Variants in MAP4 observed in about 807,000 individuals in gnomAD.
MAP4 encodes microtubule associated protein 4, also known as microtubule-associated protein 4.
A neutral mutation model predicts 170.2 loss-of-function variants in MAP4; 76 were observed. The ratio of observed to expected loss-of-function variants is 0.45; its 90% confidence interval spans 0.37 to 0.54. The LOEUF (loss-of-function observed/expected upper bound fraction) is 0.54. MAP4 is among the 20% of genes least tolerant of loss of function. The pLI is 0.00. For missense variants in MAP4, 2,506 were observed against 2,748.0 expected (o/e 0.91, Z 1.97); for synonymous variants, 909 against 994.5 (o/e 0.91, Z 1.62).
At chr3:47,883,554 G>T (rs891898296) in intron 10 of MAP4, among the ~76,000 whole-genome samples, 1 of 152,076 alleles carries the variant, frequency 6.6e-6, no homozygotes, top group African/African-American at 2.4e-5. Flanking sequence ...TTCCATTGTT[G>T]TTCTTTTATT....
In MAP4 at chr3:47,975,792, C is replaced by CTT. The variant is rs146740524; in HGVS notation, c.292+2071_292+2072dup. Among the ~76,000 whole-genome samples, 564 of 143,032 alleles carry CTT rather than the reference C, an allele frequency of 3.9e-3. 6 individuals are homozygous for CTT. Among genetic ancestry groups the CTT allele is most frequent in the African/African-American group, 0.014 (537 of 39,244 alleles). 93.8% of individuals were successfully genotyped at this position (143,032 alleles called of 152,430 possible). ...AACATGCATATTTTCAGTAAAGTATCTTTTTTTTTTTTTTTGAGACGGAGT... is the reference window on the plus strand; with the variant it reads ...AACATGCATATTTTCAGTAAAGTATCTTTTTTTTTTTTTTTTTGAGACGGAGT... On this transcript the variant is annotated intron_variant, in intron 3 of 20. Transcript: ENST00000683076.
chr3:48,068,400 T>G (rs2100139352), intron 1 of MAP4, among the ~76,000 whole-genome samples: 1 of 152,178 alleles, frequency 6.6e-6, no homozygotes. Flanking sequence ...GGCATTTATT[T>G]TATTTATTTA....
rs1423113585 is a variant in MAP4, at chr3:47,909,041, C to T, written c.5380G>A (p.Ala1794Thr). The change falls in exon 9 of 21, where the codon GCT becomes ACT. Residue 1794 changes from alanine (A) to threonine (T), a missense_variant. Physicochemically the swap from Ala to Thr is moderately conservative, Grantham distance 58 (BLOSUM62 0). Transcript: ENST00000683076. Reference sequence around the variant, plus strand: ...TTTCCCCATGGCAGGTTCATACCAGCGGACTTCAGTTGCTTATGTCTCTCT... The same window carrying T: ...TTTCCCCATGGCAGGTTCATACCAGTGGACTTCAGTTGCTTATGTCTCTCT... Reference protein sequence around the residue: ...EQERHKQLKSAVCLSSSTVYQ... With the variant: ...EQERHKQLKSTVCLSSSTVYQ... 1.4e-5 allele frequency: 22 copies of T among 1,611,738 alleles called. No homozygotes were observed. Among genetic ancestry groups the T allele is most frequent in the Middle Eastern group, 1.6e-4 (1 of 6,070 alleles).
intron 1 of MAP4, among the ~76,000 whole-genome samples, chr3:48,038,606 G>A (rs1200744776): frequency 3.3e-5 from 5 of 151,938 alleles, no homozygotes; most frequent in Non-Finnish European, 5.9e-5. Flanking sequence ...GACTACAGGC[G>A]CCTGCCACCA....
intron 1 of MAP4, among the ~76,000 whole-genome samples, chr3:48,034,128 A>G (rs2100117562): frequency 6.6e-6 from 1 of 152,158 alleles, no homozygotes; most frequent in Non-Finnish European, 1.5e-5. Flanking sequence ...TCTATTTCAC[A>G]GAAAACTCAC....
chr3:48,086,019 T>G (rs1241861136), intron 1 of MAP4, among the ~76,000 whole-genome samples: 1 of 151,960 alleles, frequency 6.6e-6, no homozygotes, highest in African/African-American at 2.4e-5. Flanking sequence ...GCCACTGCAC[T>G]CCAGCCTGGG....
intron 10 of MAP4, among the ~76,000 whole-genome samples, chr3:47,901,258 T>A (rs1200215294): frequency 6.6e-6 from 1 of 152,236 alleles, no homozygotes; most frequent in Non-Finnish European, 1.5e-5. Context: ...GAAAACTGTC[T>A]GTTTTCCACC....
intron 1 of MAP4, among the ~76,000 whole-genome samples, chr3:48,080,776 C>T (rs577799304): frequency 3.3e-5 from 5 of 151,998 alleles, no homozygotes; most frequent in South Asian, 4.2e-4. Context: ...GTCAGGAGAT[C>T]GAGACCATCC....
chr3:48,040,831 G>A (rs2154531109), intron 1 of MAP4, among the ~76,000 whole-genome samples: 1 of 152,266 alleles, frequency 6.6e-6, no homozygotes, highest in African/African-American at 2.4e-5. Context: ...AAAGTGCTGG[G>A]ATTAAAGGCG....
intron 1 of MAP4, among the ~76,000 whole-genome samples, chr3:48,060,677 G>T (rs1015537946): frequency 2.0e-5 from 3 of 151,854 alleles, no homozygotes; most frequent in Admixed American, 1.3e-4. Context: ...ACTTTGGGAG[G>T]CCGAGGGAGA....
chr3:47,973,287 G>A (rs1422003274), intron 3 of MAP4: 4 of 980,888 alleles, frequency 4.1e-6, no homozygotes, highest in Non-Finnish European at 4.8e-6. Flanking sequence ...GAGAGAAAGA[G>A]AAAGAAGGCA....
At chr3:47,969,603 A>G (rs1201655703) in intron 3 of MAP4, among the ~76,000 whole-genome samples, 1 of 152,116 alleles carries the variant, frequency 6.6e-6, no homozygotes. Flanking sequence ...CACTCTGTTA[A>G]GTTCACTATT....
Position 47,855,997 on chromosome 3 carries a change from A to G in MAP4, c.6584-637T>C, listed in dbSNP as rs929489587. Among the ~76,000 whole-genome samples, 1 of 152,186 alleles carries G rather than the reference A, an allele frequency of 6.6e-6. No individual in the cohort carries two copies. The highest frequency in any genetic ancestry group is 2.4e-5 in the African/African-American group (1 of 41,444). ...AGGAAGGAAAGACATGGACCAAGGC[A>G]GGCCTGGGATCTAGTGACCTCAGGC... On this transcript the variant is annotated intron_variant, in intron 18 of 20. Coordinates refer to ENST00000683076, the MANE Select transcript of MAP4 (RefSeq NM_001385682.1). The surrounding 1 kb of genome is among the most constrained non-coding windows in gnomAD (Gnocchi z 5.1).
At chr3:47,947,579 G>A (rs186742130) in intron 3 of MAP4, among the ~76,000 whole-genome samples, 7 of 152,144 alleles carry the variant, frequency 4.6e-5, no homozygotes, top group Non-Finnish European at 7.4e-5. Flanking sequence ...TTGGGAGGCC[G>A]AGGAGGGCAA....
intron 3 of MAP4, among the ~76,000 whole-genome samples, chr3:47,947,171 T>G (rs986591481): frequency 3.9e-5 from 6 of 152,204 alleles, no homozygotes; most frequent in Non-Finnish European, 7.3e-5. Flanking sequence ...TTAAGGAAAT[T>G]TATGTCCAAA....
chr3:47,997,388 A>C (rs2100096558), intron 2 of MAP4, among the ~76,000 whole-genome samples: 1 of 150,616 alleles, frequency 6.6e-6, no homozygotes, highest in Non-Finnish European at 1.5e-5. Flanking sequence ...TTCACAAAGG[A>C]AATATTTTTA....
At chr3:47,924,426 C>A (rs1261766760) in intron 4 of MAP4, among the ~76,000 whole-genome samples, 1 of 152,220 alleles carries the variant, frequency 6.6e-6, no homozygotes, top group Non-Finnish European at 1.5e-5. Context: ...GTTTCCAAAT[C>A]TACTCATTAT....
At chr3:48,084,297 C>A (rs531069009) in intron 1 of MAP4, among the ~76,000 whole-genome samples, 143 of 149,522 alleles carry the variant, frequency 9.6e-4, no homozygotes, top group African/African-American at 3.5e-3. Context: ...ACTGGGGAGG[C>A]TGAGGCAGGA....
intron 3 of MAP4, 40 bp from the exon 4 acceptor site, chr3:47,928,390 C>T: frequency 1.2e-6 from 2 of 1,603,168 alleles, no homozygotes; most frequent in Non-Finnish European, 8.5e-7. Flanking sequence ...CAAGATATTA[C>T]AGTTTTCTCC....
Sources: gnomAD v4.1 joint callset for allele counts (sites outside exome capture counted in the v4.1 genomes callset) on GRCh38, gnomAD v4.1.1 for gene constraint, Gnocchi (gnomAD v3.1) non-coding constraint, MANE v1.5 for transcripts, NCBI Gene and HGNC (gene_info 2026-07-23, HGNC 2026-07-21) for gene names.